Variants in TGFBR3 observed in about 807,000 individuals in gnomAD.
TGFBR3 encodes transforming growth factor beta receptor type 3.
In TGFBR3, 46 loss-of-function variants were observed where a neutral mutation model predicts 87.9. The ratio of observed to expected loss-of-function variants is 0.52; its 90% CI spans 0.41 to 0.67. The LOEUF (loss-of-function observed/expected upper bound fraction) is 0.67, where lower values mean the gene tolerates loss of function less well. TGFBR3 is among the 30% of genes least tolerant of loss of function. TGFBR3 has a pLI of 0.00. For missense variants in TGFBR3, 866 were observed against 1,041.9 expected (o/e 0.83, Z 2.32); for synonymous variants, 381 against 391.6 (o/e 0.97, Z 0.32).
chr1:91,890,368 A>G (rs1327174686), upstream of TGFBR3, among the ~76,000 whole-genome samples: 5 of 141,282 alleles, frequency 3.5e-5, no homozygotes, highest in Non-Finnish European at 7.6e-5. Flanking sequence ...AGTCTAAAAG[A>G]CTTTATCATT....
At position 91,875,790 on chromosome 1, in the gene TGFBR3, G is replaced by A. The variant is rs1162479125; in HGVS notation, c.-114+10088C>T. Among the ~76,000 whole-genome samples, 3 of 58,898 alleles carry A rather than the reference G, an allele frequency of 5.1e-5. 1 individual carries two copies. The highest frequency in any genetic ancestry group is 8.2e-5 in the Non-Finnish European group (2 of 24,350). The allele number at this position is 58,898 out of a possible 152,430, so 38.6% of individuals were successfully genotyped here. A position where few individuals can be genotyped will look rare whatever the true frequency, so the allele number is the denominator to read the frequency against. On this transcript the variant is annotated intron_variant, in intron 1 of 16. Transcript: ENST00000212355. ...GTAATCCCAGCTACTCGGGCGGGGG[G>A]GGGGGGTGGGAGTGTGCAGCTGAGG...
At chr1:91,823,209 G>A (rs1026771342) in intron 2 of TGFBR3, among the ~76,000 whole-genome samples, 4 of 152,140 alleles carry the variant, frequency 2.6e-5, no homozygotes, top group African/African-American at 9.7e-5. Flanking sequence ...CCTAGGGCAG[G>A]TGATATCTGA....
At chr1:91,714,487 G>C (rs1398473858) in intron 12 of TGFBR3, among the ~76,000 whole-genome samples, 1 of 152,082 alleles carries the variant, frequency 6.6e-6, no homozygotes. Context: ...AGAGGGAATA[G>C]AGGATAAACT....
chr1:91,729,815 T>G lies in TGFBR3; in HGVS notation c.727A>C (p.Asn243His). 6.2e-7 allele frequency: 1 copy of G among 1,614,162 alleles called. No homozygotes were observed. The highest frequency in any genetic ancestry group is 8.5e-7 in the Non-Finnish European group (1 of 1,180,020). Residue 243 changes from asparagine (N) to histidine (H), a missense_variant, in exon 6 of 17, where the codon AAC becomes CAC. By Grantham distance (68) the Asn-to-His change is moderately conservative. Transcript: ENST00000212355. ...HIIELITPNS[N>H]PYSAFQVDIT... Reference sequence around the variant, plus strand: ...CTTAGACTCACTTACCTGTAGGGGTTAGAGTTGGGGGTGATTAGCTCGATG... The same window carrying G: ...CTTAGACTCACTTACCTGTAGGGGTGAGAGTTGGGGGTGATTAGCTCGATG...
chr1:91,685,315 CTTTTTTTTT>C (rs71585124), intron 16 of TGFBR3, among the ~76,000 whole-genome samples: 5 of 100,668 alleles, frequency 5.0e-5, no homozygotes, highest in African/African-American at 2.1e-4. Context: ...GAAGCACTGC[CTTTTTTTTT>C]TTTTTTTTTT....
At chr1:91,759,872 C>T (rs1673897364) in intron 3 of TGFBR3, among the ~76,000 whole-genome samples, 1 of 152,212 alleles carries the variant, frequency 6.6e-6, no homozygotes, top group African/African-American at 2.4e-5. Flanking sequence ...TCTATACAAC[C>T]ATCAGGGATA....
Position 91,681,760 on chromosome 1 carries a change from A to C in TGFBR3, c.*1979T>G, listed in dbSNP as rs956421223. The stretch of plus-strand genomic sequence containing the variant: ...TAGCTATAAGTGACTTAAAGACTCT[A>C]GTCTTCTTTGAAGACATCTTTAAAC... On this transcript the variant is annotated 3_prime_UTR_variant, in exon 17 of 17. Coordinates refer to ENST00000212355, the MANE Select transcript of TGFBR3 (RefSeq NM_003243.5). 1.1e-5 allele frequency: 5 copies of C among 442,802 alleles called. No homozygotes were observed. Among genetic ancestry groups the C allele is most frequent in the Non-Finnish European group, 2.2e-5 (5 of 223,778 alleles). The allele number at this position is 442,802 out of a possible 1,614,324, so 27.4% of individuals were successfully genotyped here.
Position 91,821,053 on chromosome 1 carries a change from G to A in TGFBR3, c.62-23582C>T, listed in dbSNP as rs769652519. Reference sequence around the variant, plus strand: ...TCCATTAAAAGTAATAGTAATGGCCGGGCACAGTGGCTCATGACTGTAATC... The same window carrying A: ...TCCATTAAAAGTAATAGTAATGGCCAGGCACAGTGGCTCATGACTGTAATC... On this transcript the variant is annotated intron_variant, in intron 2 of 16. Transcript: ENST00000212355. 1.9e-4 allele frequency among the ~76,000 whole-genome samples: 29 copies of A among 151,962 alleles called. 1 individual carries two copies. Among genetic ancestry groups the A allele is most frequent in the African/African-American group, 3.4e-4 (14 of 41,370 alleles).
intron 3 of TGFBR3, among the ~76,000 whole-genome samples, chr1:91,784,097 G>A (rs1390501481): frequency 6.6e-6 from 1 of 152,144 alleles, no homozygotes; most frequent in African/African-American, 2.4e-5. Context: ...GAGTAAAGAA[G>A]AATGTAACAA....
intron 4 of TGFBR3, among the ~76,000 whole-genome samples, chr1:91,743,975 C>G (rs1160848607): frequency 6.6e-6 from 1 of 151,990 alleles, no homozygotes; most frequent in Non-Finnish European, 1.5e-5. Flanking sequence ...TACCACTTAG[C>G]ACAAGAAAAA....
chr1:91,904,289 T>A (rs1174742862), intron 1 of TGFBR3, among the ~76,000 whole-genome samples: 1 of 89,792 alleles, frequency 1.1e-5, no homozygotes, highest in African/African-American at 5.9e-5. Context: ...AGGGCTTGGA[T>A]TTTTTTTTTT....
intron 16 of TGFBR3, 137 bp downstream of exon 16, chr1:91,695,535 A>G: frequency 6.1e-6 from 5 of 814,646 alleles, no homozygotes; most frequent in Non-Finnish European, 1.0e-5. Flanking sequence ...CCCAATTTAT[A>G]CCAAATATGT....
intron 4 of TGFBR3, among the ~76,000 whole-genome samples, chr1:91,746,238 A>G (rs966515657): frequency 1.3e-5 from 2 of 152,202 alleles, no homozygotes; most frequent in Admixed American, 6.5e-5. Context: ...ACAACAGTAC[A>G]TGTGAGTGTG....
intron 2 of TGFBR3, among the ~76,000 whole-genome samples, chr1:91,809,408 G>GAT: frequency 6.6e-6 from 1 of 152,212 alleles, no homozygotes; most frequent in South Asian, 2.1e-4. Flanking sequence ...GGGGTGCAGA[G>GAT]TCTGAAGCAG....
chr1:91,729,654 T>C lies in TGFBR3; in HGVS notation c.737+151A>G, dbSNP rs183372436. On this transcript the variant is annotated intron_variant, in intron 6 of 16. Coordinates refer to ENST00000212355, the MANE Select transcript of TGFBR3 (RefSeq NM_003243.5). Reference sequence around the variant, plus strand: ...TGATGAAGCACACCTGAAGCATCAATGGCTACCTTCCCTCCTGCGTGAAGC... The same window carrying C: ...TGATGAAGCACACCTGAAGCATCAACGGCTACCTTCCCTCCTGCGTGAAGC... 1,780 of 878,474 alleles carry C rather than the reference T, an allele frequency of 2.0e-3. 3 individuals carry two copies. The highest frequency in any genetic ancestry group is 3.0e-3 in the Non-Finnish European group (1,623 of 539,404). 54.4% of individuals were successfully genotyped at this position (878,474 alleles called of 1,614,324 possible). A position where few individuals can be genotyped will look rare whatever the true frequency, so the allele number is the denominator to read the frequency against.
chr1:91,770,690 T>G (rs17878451), intron 3 of TGFBR3, among the ~76,000 whole-genome samples: 1 of 152,218 alleles, frequency 6.6e-6, no homozygotes, highest in African/African-American at 2.4e-5. Flanking sequence ...AGCAAATTTA[T>G]AGAAAAATCC....
chr1:91,904,524 G>A (rs1679802081), intron 1 of TGFBR3, among the ~76,000 whole-genome samples: 1 of 150,586 alleles, frequency 6.6e-6, no homozygotes. Context: ...AGCCTCCCAG[G>A]TAGCTGGGAT....
chr1:91,828,067 T>G (rs972449230), intron 2 of TGFBR3, among the ~76,000 whole-genome samples: 3 of 152,216 alleles, frequency 2.0e-5, no homozygotes, highest in African/African-American at 7.2e-5. Context: ...GCTCTTCAGA[T>G]CACGCTGAGG....
Position 91,729,986 on chromosome 1 carries a change from C to A in TGFBR3, c.569-13G>T, listed in dbSNP as rs201684536. 42 of 1,614,044 alleles carry A rather than the reference C, an allele frequency of 2.6e-5. No homozygotes were observed. The highest frequency in any genetic ancestry group is 1.6e-5 in the Non-Finnish European group (19 of 1,179,986). On this transcript the variant is annotated splice_polypyrimidine_tract_variant and intron_variant, in intron 5 of 16. Coordinates refer to ENST00000212355, the MANE Select transcript of TGFBR3 (RefSeq NM_003243.5). Reference sequence around the variant, plus strand: ...GGGAACACTTGATCTGAAAGAGGCACAGGACAATCTGTCAAACCACTGAGG... The same window carrying A: ...GGGAACACTTGATCTGAAAGAGGCAAAGGACAATCTGTCAAACCACTGAGG...
Sources: allele counts gnomAD v4.1 joint callset (sites outside exome capture counted in the v4.1 genomes callset), GRCh38; gene constraint gnomAD v4.1.1; transcripts MANE v1.5; gene names NCBI Gene and HGNC (gene_info 2026-07-23, HGNC 2026-07-21).